Variants in NRK observed in about 807,000 individuals in gnomAD.
The protein encoded by NRK is Nik related kinase.
In NRK, 67 loss-of-function variants were observed where a neutral mutation model predicts 125.2. The observed-to-expected ratio is 0.54, with a 90% CI of 0.44 to 0.66. The LOEUF (loss-of-function observed/expected upper bound fraction) is 0.66. Ranked by LOEUF, NRK falls within the 30% of genes least tolerant of loss-of-function variation. The probability of loss-of-function intolerance (pLI) is 0.00; values close to 1 mark genes in which losing one functional copy is unlikely to be tolerated. For synonymous variants in NRK, 458 were observed against 429.0 expected (o/e 1.07, Z -0.84); for missense variants, 1,224 against 1,192.9 (o/e 1.03, Z -0.38).
intron 4 of NRK, among the ~76,000 whole-genome samples, chrX:105,884,856 G>C (rs1002799779): frequency 2.3e-4 from 26 of 112,322 alleles, no homozygotes; most frequent in African/African-American, 8.1e-4. Context: ...GCCCAGGCTA[G>C]TGTGCAGTGG....
At chrX:105,908,379 T>G (rs1168976107) in intron 12 of NRK, 76 bp downstream of exon 12, 1 of 524,765 alleles carries the variant, frequency 1.9e-6, no homozygotes, top group African/African-American at 2.5e-5. Flanking sequence ...CTGTTGCCTT[T>G]GGTTCAGAAA....
At chrX:105,848,122 CTT>C (rs1421718903) in intron 2 of NRK, among the ~76,000 whole-genome samples, 1 of 111,815 alleles carries the variant, frequency 8.9e-6, no homozygotes, top group Non-Finnish European at 1.9e-5. Flanking sequence ...AAGAATCAAA[CTT>C]TACCACAGGA....
chrX:105,878,789 C>T (rs1182581945), intron 2 of NRK, among the ~76,000 whole-genome samples: 1 of 111,587 alleles, frequency 9.0e-6, no homozygotes, highest in Non-Finnish European at 1.9e-5. Context: ...GCCTTGATTA[C>T]TAGTCTCTGA....
chrX:105,936,441 C>T (rs1367718162), intron 21 of NRK, among the ~76,000 whole-genome samples: 1 of 111,801 alleles, frequency 8.9e-6, no homozygotes, highest in African/African-American at 3.2e-5. Context: ...GGCTATACTT[C>T]TTCCTCCTTC....
At chrX:105,834,507 T>C (rs1266839916) in intron 2 of NRK, among the ~76,000 whole-genome samples, 1 of 110,241 alleles carries the variant, frequency 9.1e-6, no homozygotes, top group Non-Finnish European at 1.9e-5. Context: ...TGGTTAGAGA[T>C]CTTTGGGGTT....
intron 22 of NRK, among the ~76,000 whole-genome samples, chrX:105,939,534 G>A (rs764122513): frequency 7.2e-5 from 8 of 111,139 alleles, no homozygotes; most frequent in South Asian, 3.8e-4. Flanking sequence ...CTGAACTCCA[G>A]AGGAGTTATG....
At chrX:105,881,117 A>C (rs1292360509) in intron 3 of NRK, among the ~76,000 whole-genome samples, 1 of 111,043 alleles carries the variant, frequency 9.0e-6, no homozygotes, top group Non-Finnish European at 1.9e-5. Flanking sequence ...CCCAGAACTT[A>C]AAGTATAATA....
intron 27 of NRK, among the ~76,000 whole-genome samples, 182 bp downstream of exon 27, chrX:105,949,916 T>C (rs2040869168): frequency 8.9e-6 from 1 of 111,902 alleles, no homozygotes; most frequent in Non-Finnish European, 1.9e-5. Context: ...GCTTAATGAA[T>C]TCGTGAGAGT....
intron 2 of NRK, among the ~76,000 whole-genome samples, chrX:105,831,805 C>T (rs181556064): frequency 3.2e-3 from 361 of 111,202 alleles, no homozygotes; most frequent in Admixed American, 4.9e-3. Context: ...TGTATCTGTG[C>T]GTTCCACATC....
intron 1 of NRK, among the ~76,000 whole-genome samples, chrX:105,823,655 A>T (rs935933888): frequency 9.1e-6 from 1 of 109,929 alleles, no homozygotes; most frequent in African/African-American, 3.3e-5. Flanking sequence ...GTTGTAATTG[A>T]TTGGTAAGCT....
chrX:105,936,943 T>C (rs2040673249), intron 21 of NRK, among the ~76,000 whole-genome samples: 1 of 111,414 alleles, frequency 9.0e-6, no homozygotes. Context: ...AACATTTACT[T>C]ATGTTTAGAG....
intron 5 of NRK, among the ~76,000 whole-genome samples, chrX:105,893,244 C>T: frequency 8.9e-6 from 1 of 111,809 alleles, no homozygotes; most frequent in Non-Finnish European, 1.9e-5. Flanking sequence ...GAAATTATCC[C>T]ACAGGAATGC....
Position 105,925,423 on chromosome X carries a change from A to C in NRK, c.3312+392A>C, listed in dbSNP as rs760403115. Among the ~76,000 whole-genome samples the C allele has an allele frequency of 9.8e-5, 11 of 111,687 alleles. No individual in the cohort carries two copies. In the East Asian group the frequency reaches 3.1e-3, roughly 31 times the overall value. On this transcript the variant is annotated intron_variant, in intron 19 of 28. Coordinates refer to ENST00000243300, the MANE Select transcript of NRK (RefSeq NM_198465.4). ...GGGTATTTAGCATGTCTATCACCTC[A>C]AACATTCATCATTTTTTTTGTGTGT...
chrX:105,894,066 A>G (rs1335575409), intron 6 of NRK, 124 bp downstream of exon 6: 5 of 412,531 alleles, frequency 1.2e-5, no homozygotes, highest in Non-Finnish European at 1.2e-5. Flanking sequence ...GTGCATCAGG[A>G]TATCTGAAAA....
At chrX:105,844,546 G>A (rs2039376695) in intron 2 of NRK, among the ~76,000 whole-genome samples, 1 of 111,834 alleles carries the variant, frequency 8.9e-6, no homozygotes, top group Admixed American at 9.5e-5. Flanking sequence ...TGGATTCAAG[G>A]GAGGAAGATT....
chrX:105,825,920 A>T lies in NRK; in HGVS notation c.57+3018A>T, dbSNP rs1252357974. ...ATTTGTGGTTTGTGTTTCCTTTCTG[A>T]AAAGAGAAGTACAAAGCTTTATGTC... On this transcript the variant is annotated intron_variant, in intron 1 of 28. Transcript: ENST00000243300. Among the ~76,000 whole-genome samples, 3 of 107,883 alleles carry T rather than the reference A, an allele frequency of 2.8e-5. 1 individual carries two copies. In the South Asian group the frequency reaches 1.2e-3, roughly 42 times the overall value. The allele number at this position is 107,883 out of a possible 115,157, so 93.7% of individuals were successfully genotyped here.
Position 105,935,182 on chromosome X carries a change from T to C in NRK, c.3512T>C (p.Phe1171Ser), listed in dbSNP as rs1283586114. 1 of 1,194,505 alleles carries C rather than the reference T, an allele frequency of 8.4e-7. No homozygotes were observed. The highest frequency in any genetic ancestry group is 1.7e-5 in the African/African-American group (1 of 57,393). The stretch of plus-strand genomic sequence containing the variant: ...TACATCTTTGCAGTATACGCTGGAT[T>C]CGTAGAAGTACCTGAGGAATCACCT... ...NFASAILYAGFVEVPEESPKQ... is the reference protein window; with the variant it reads ...NFASAILYAGSVEVPEESPKQ... Residue 1171 changes from phenylalanine (F) to serine (S), a missense_variant, in exon 21 of 29, where the codon TTC (phenylalanine) becomes TCC (serine). Physicochemically the swap from Phe to Ser is radical, Grantham distance 155. Coordinates refer to ENST00000243300, the MANE Select transcript of NRK (RefSeq NM_198465.4).
chrX:105,898,448 A>G (rs1051073336), intron 7 of NRK, 136 bp from the exon 8 acceptor site: 3 of 506,828 alleles, frequency 5.9e-6, no homozygotes, highest in South Asian at 3.6e-5. Context: ...AGTAGACTTC[A>G]TGGTAAAGTT....
intron 1 of NRK, among the ~76,000 whole-genome samples, chrX:105,823,860 C>T (rs2039057605): frequency 8.9e-6 from 1 of 112,149 alleles, no homozygotes; most frequent in Non-Finnish European, 1.9e-5. Context: ...GCAGGCACCG[C>T]GCTGGAATGA....
Sources: allele counts gnomAD v4.1 joint callset (sites outside exome capture counted in the v4.1 genomes callset), GRCh38; gene constraint gnomAD v4.1.1; transcripts MANE v1.5; gene names NCBI Gene and HGNC (gene_info 2026-07-23, HGNC 2026-07-21).